DLEU7: variants seen among roughly 807,000 people sequenced by gnomAD.
DLEU7 encodes the protein leukemia-associated protein 7.
A neutral mutation model predicts 16.0 loss-of-function variants in DLEU7; 17 were observed. The observed-to-expected ratio is 1.06, with a 90% CI of 0.73 to 1.59. The LOEUF (loss-of-function observed/expected upper bound fraction) is 1.59, where lower values mean the gene tolerates loss of function less well. Among genes scored for constraint, DLEU7 ranks in the 40% most tolerant of loss-of-function variants. The pLI is 0.00. For synonymous variants in DLEU7, 113 were observed against 139.8 expected, an observed-to-expected ratio of 0.81 and a Z score of 1.35; for missense variants, 308 against 314.9, an observed-to-expected ratio of 0.98 and a Z score of 0.17.
At chr13:50,805,888 A>G (rs1485799935) in intron 1 of DLEU7, among the ~76,000 whole-genome samples, 2 of 152,198 alleles carry the variant, frequency 1.3e-5, no homozygotes, top group Non-Finnish European at 2.9e-5. Context: ...TTTATTGTAC[A>G]TGGTTGCTTC....
intron 1 of DLEU7, among the ~76,000 whole-genome samples, chr13:50,807,491 T>G (rs889960040): frequency 6.6e-6 from 1 of 151,888 alleles, no homozygotes; most frequent in African/African-American, 2.4e-5. Context: ...CTTTGAGTGT[T>G]GAGGTTTTTT....
At chr13:50,764,436 C>T (rs1246197371) in intron 1 of DLEU7, among the ~76,000 whole-genome samples, 1 of 152,158 alleles carries the variant, frequency 6.6e-6, no homozygotes, top group Non-Finnish European at 1.5e-5. Flanking sequence ...CATTAACTAA[C>T]AACGAACAAA....
intron 1 of DLEU7, among the ~76,000 whole-genome samples, chr13:50,837,494 C>T (rs542033115): frequency 6.6e-6 from 1 of 152,282 alleles, no homozygotes; most frequent in African/African-American, 2.4e-5. Flanking sequence ...GTCACCGTAT[C>T]CGTGGCTTAC....
intron 1 of DLEU7, among the ~76,000 whole-genome samples, chr13:50,817,429 C>T (rs886690236): frequency 3.3e-5 from 5 of 152,166 alleles, no homozygotes; most frequent in African/African-American, 1.2e-4. Context: ...TGGTATGTAG[C>T]TAAGTGAAAC....
intron 1 of DLEU7, among the ~76,000 whole-genome samples, chr13:50,731,934 C>T (rs1211352617): frequency 6.6e-6 from 1 of 152,126 alleles, no homozygotes; most frequent in East Asian, 1.9e-4. Context: ...ATTTATTAAT[C>T]TACACATATG....
intron 1 of DLEU7, among the ~76,000 whole-genome samples, chr13:50,740,637 GAA>G (rs1359786174): frequency 1.3e-5 from 2 of 152,034 alleles, no homozygotes; most frequent in Non-Finnish European, 2.9e-5. Flanking sequence ...GCTAATCTCT[GAA>G]GTCTATGGTT....
chr13:50,713,175 A>C, exon 2 of DLEU7: 1 of 1,604,420 alleles, frequency 6.2e-7, no homozygotes, highest in Non-Finnish European at 8.5e-7. Flanking sequence ...TTATTGAAAT[A>C]TGAAGCTCCT....
At chr13:50,781,259 T>G (rs1200886062) in intron 1 of DLEU7, among the ~76,000 whole-genome samples, 1 of 152,154 alleles carries the variant, frequency 6.6e-6, no homozygotes, top group Non-Finnish European at 1.5e-5. Context: ...ATAGGCCACT[T>G]TAGAAATTAA....
intron 1 of DLEU7, among the ~76,000 whole-genome samples, chr13:50,778,626 A>G (rs1875568599): frequency 6.6e-6 from 1 of 152,226 alleles, no homozygotes; most frequent in Admixed American, 6.5e-5. Flanking sequence ...AAAAAGAAAA[A>G]CATTCTTTGT....
chr13:50,723,486 C>T (rs186084618), intron 1 of DLEU7, among the ~76,000 whole-genome samples: 3 of 151,764 alleles, frequency 2.0e-5, no homozygotes, highest in African/African-American at 4.8e-5. Context: ...ATACCATAGG[C>T]GGGGTGGCTT....
At chr13:50,821,033 C>A (rs545559506), downstream of DLEU7, among the ~76,000 whole-genome samples, 1 of 152,112 alleles carries the variant, frequency 6.6e-6, no homozygotes, top group East Asian at 1.9e-4. Flanking sequence ...CCAGTGCTAC[C>A]ATACTGAACA....
chr13:50,795,002 G>A (rs1876072044), intron 1 of DLEU7, among the ~76,000 whole-genome samples: 1 of 151,836 alleles, frequency 6.6e-6, no homozygotes, highest in Admixed American at 6.6e-5. Context: ...AGGCTGACAT[G>A]TGATCTCCAT....
intron 1 of DLEU7, among the ~76,000 whole-genome samples, chr13:50,722,723 G>C (rs1050642393): frequency 6.6e-6 from 1 of 152,098 alleles, no homozygotes; most frequent in African/African-American, 2.4e-5. Flanking sequence ...TCATCCTCAA[G>C]TACTATTGTC....
At chr13:50,740,324 A>C (rs1874220723) in intron 1 of DLEU7, among the ~76,000 whole-genome samples, 1 of 152,150 alleles carries the variant, frequency 6.6e-6, no homozygotes, top group Non-Finnish European at 1.5e-5. Flanking sequence ...TAAGAAAATC[A>C]AGTCAATTTA....
At chr13:50,779,635 A>G (rs894212926) in intron 1 of DLEU7, among the ~76,000 whole-genome samples, 10 of 152,094 alleles carry the variant, frequency 6.6e-5, no homozygotes, top group African/African-American at 1.4e-4. Context: ...AAGAGGTGCA[A>G]TCCCTTCTGG....
intron 1 of DLEU7, among the ~76,000 whole-genome samples, chr13:50,748,924 G>A (rs1277411732): frequency 2.0e-5 from 3 of 151,956 alleles, no homozygotes; most frequent in Non-Finnish European, 4.4e-5. Flanking sequence ...ATTGGGGTAC[G>A]GGTGGTATTT....
At position 50,792,296 on chromosome 13, in the gene DLEU7, A is replaced by G. The variant is rs73495648; in HGVS notation, c.459+50892T>C. 5.3e-3 allele frequency among the ~76,000 whole-genome samples: 805 copies of G among 152,244 alleles called. 9 individuals carry two copies. Among genetic ancestry groups the G allele is most frequent in the African/African-American group, 0.018 (768 of 41,548 alleles). ...TATCAAATAATTCAAGAATCTACCC[A>G]TTACTTTTGTCCAACATTCCATCCT... On this transcript the variant is annotated intron_variant, in intron 1 of 1. Transcript: ENST00000400393.
intron 1 of DLEU7, among the ~76,000 whole-genome samples, chr13:50,751,803 G>T (rs1674763495): frequency 1.3e-5 from 2 of 152,116 alleles, no homozygotes; most frequent in Admixed American, 6.5e-5. Flanking sequence ...TCTTACTGAG[G>T]TTATGTGGAT....
intron 1 of DLEU7, among the ~76,000 whole-genome samples, chr13:50,829,588 G>A (rs1041674052): frequency 2.6e-5 from 4 of 152,142 alleles, no homozygotes; most frequent in African/African-American, 9.7e-5. Flanking sequence ...AATAAAATTC[G>A]ACTGCTGGGC....
Sources: allele counts gnomAD v4.1 joint callset (sites outside exome capture counted in the v4.1 genomes callset), GRCh38; gene constraint gnomAD v4.1.1; transcripts MANE v1.5; gene names NCBI Gene and HGNC (gene_info 2026-07-23, HGNC 2026-07-21).